The following MPG variants were observed in gnomAD, a reference collection of about 807,000 sequenced individuals.
The protein encoded by MPG is DNA-3-methyladenine glycosylase.
In MPG, 33 loss-of-function variants were observed where a neutral mutation model predicts 31.7. That is an observed-to-expected ratio of 1.04 (90% CI 0.79 to 1.39). The LOEUF (loss-of-function observed/expected upper bound fraction) is 1.39. MPG is among the 40% of genes most tolerant of loss of function. MPG has a pLI of 0.00. For missense variants in MPG, 455 were observed against 415.5 expected (o/e 1.10, Z -0.83); for synonymous variants, 202 against 169.2 (o/e 1.19, Z -1.51).
chr16:77,890 G>T (rs1342722246), upstream of MPG, among the ~76,000 whole-genome samples: 1 of 152,118 alleles, frequency 6.6e-6, no homozygotes, highest in South Asian at 2.1e-4. Flanking sequence ...TCAGGTTCAC[G>T]ACGGGCCCGT....
chr16:78,932 C>T (rs1206141570), intron 1 of MPG, among the ~76,000 whole-genome samples: 2 of 152,218 alleles, frequency 1.3e-5, no homozygotes, highest in African/African-American at 4.8e-5. Flanking sequence ...ACCCTGAGCA[C>T]GCGGTGGTCA....
At position 79,673 on chromosome 16, in the gene MPG, C is replaced by T. The variant is rs1404662120; in HGVS notation, c.273C>T (p.Val91=). 9 of 1,564,756 alleles carry T rather than the reference C, an allele frequency of 5.8e-6. No individual in the cohort carries two copies. The highest frequency in any genetic ancestry group is 7.8e-6 in the Non-Finnish European group (9 of 1,153,550). The change falls in exon 2 of 4, where the codon GTC becomes GTT. Residue 91 remains valine, a synonymous_variant. Transcript: ENST00000356432. ...LGLEFFDQPA[V]PLARAFLGQV... is the part of the protein sequence containing the mutation. ...TGGAGTTCTTCGACCAGCCGGCAGTCCCCCTGGCCCGGGCATTTCTGGGAC... is the reference window on the plus strand; with the variant it reads ...TGGAGTTCTTCGACCAGCCGGCAGTTCCCCTGGCCCGGGCATTTCTGGGAC...
At chr16:77,439 G>A (rs1347892168), upstream of MPG, among the ~76,000 whole-genome samples, 1 of 152,206 alleles carries the variant, frequency 6.6e-6, no homozygotes, top group Non-Finnish European at 1.5e-5. Flanking sequence ...GAGGTTGTGA[G>A]AGCTTACAGG....
At chr16:82,136 C>T (rs1379997852) in intron 2 of MPG, among the ~76,000 whole-genome samples, 1 of 91,608 alleles carries the variant, frequency 1.1e-5, no homozygotes, top group East Asian at 2.9e-4. Context: ...CCTGAATGCT[C>T]CCCACGCTGG....
chr16:77,864 C>T (rs1683983700), upstream of MPG, among the ~76,000 whole-genome samples: 1 of 152,052 alleles, frequency 6.6e-6, no homozygotes, highest in South Asian at 2.1e-4. Flanking sequence ...TCCGCCCGGG[C>T]CCCTCGAGGA....
At chr16:78,078 A>C, upstream of MPG, 11 of 304,254 alleles carry the variant, frequency 3.6e-5, no homozygotes, top group East Asian at 5.2e-5. Context: ...CGGGCCCGGG[A>C]ATCGGTCCGG....
rs1174700465 is a variant in MPG, at chr16:83,145, T to A, written c.394T>A (p.Ser132Thr). 1 of 1,612,934 alleles carries A rather than the reference T, an allele frequency of 6.2e-7. No homozygotes were observed. The highest frequency in any genetic ancestry group is 1.3e-5 in the African/African-American group (1 of 74,876). ...YLGPEDEAAH[S>T]RGGRQTPRNR... ...GGGGCCAGAGGATGAAGCCGCCCAC[T>A]CAAGGGGTGGCCGGCAGACCCCCCG... The change falls in exon 3 of 4, where the codon TCA becomes ACA. Residue 132 changes from serine to threonine, a missense_variant. By Grantham distance (58) the Ser-to-Thr change is moderately conservative. Coordinates refer to ENST00000356432, the MANE Select transcript of MPG (RefSeq NM_001015052.3).
intron 2 of MPG, among the ~76,000 whole-genome samples, chr16:81,106 C>T (rs995346047): frequency 6.6e-6 from 1 of 152,150 alleles, no homozygotes; most frequent in African/African-American, 2.4e-5. Flanking sequence ...AGGCTTGGGT[C>T]ATGCACTCAT....
At position 83,139 on chromosome 16, in the gene MPG, G is replaced by A. The variant is rs200449939; in HGVS notation, c.388G>A (p.Ala130Thr). The change falls in exon 3 of 4, where the codon GCC becomes ACC. Residue 130 changes from alanine (A) to threonine (T), a missense_variant. Coordinates refer to ENST00000356432, the MANE Select transcript of MPG (RefSeq NM_001015052.3). Reference sequence around the variant, plus strand: ...ATACCTGGGGCCAGAGGATGAAGCCGCCCACTCAAGGGGTGGCCGGCAGAC... The same window carrying A: ...ATACCTGGGGCCAGAGGATGAAGCCACCCACTCAAGGGGTGGCCGGCAGAC... ...EAYLGPEDEA[A>T]HSRGGRQTPR... 1.7e-4 allele frequency: 282 copies of A among 1,613,142 alleles called. 1 individual carries two copies. Among genetic ancestry groups the A allele is most frequent in the Middle Eastern group, 1.2e-3 (7 of 6,060 alleles).
chr16:82,314 T>C (rs1448707152), intron 2 of MPG, among the ~76,000 whole-genome samples: 2 of 152,218 alleles, frequency 1.3e-5, no homozygotes, highest in Non-Finnish European at 2.9e-5. Flanking sequence ...CCATGGCCTT[T>C]GGCACCACAG....
Position 85,671 on chromosome 16 carries a change from T to G in MPG, c.776T>G (p.Val259Gly). ...GTAGTGGCAGCAGCCCGGGTGGGCG[T>G]CGGCCATGCAGGGGAGTGGGCCCGG... Reference protein sequence around the residue: ...PAVVAAARVGVGHAGEWARKP... With the variant: ...PAVVAAARVGGGHAGEWARKP... Residue 259 changes from valine (V) to glycine (G), a missense_variant, in exon 4 of 4, where the codon GTC (valine) becomes GGC (glycine). By Grantham distance (109) the Val-to-Gly change is moderately radical. Transcript: ENST00000356432. 1.3e-6 allele frequency: 2 copies of G among 1,578,634 alleles called. No homozygotes were observed. Among genetic ancestry groups the G allele is most frequent in the Non-Finnish European group, 1.7e-6 (2 of 1,158,594 alleles).
chr16:85,476 C>T lies in MPG; in HGVS notation c.581C>T (p.Thr194Ile). ...GLETMRQLRS[T>I]LRKGTASRVL... The stretch of plus-strand genomic sequence containing the variant: ...GAGACCATGCGTCAGCTTCGCAGCA[C>T]CCTCCGGAAAGGCACCGCCAGCCGT... Residue 194 changes from threonine (T) to isoleucine (I), a missense_variant, in exon 4 of 4, where the codon ACC becomes ATC. Thr to Ile is a moderately conservative substitution (Grantham distance 89). Transcript: ENST00000356432. 1 of 1,613,170 alleles carries T rather than the reference C, an allele frequency of 6.2e-7. No individual in the cohort carries two copies. The highest frequency in any genetic ancestry group is 8.5e-7 in the Non-Finnish European group (1 of 1,180,028).
chr16:85,583 G>A lies in MPG; in HGVS notation c.688G>A (p.Asp230Asn), dbSNP rs866593837. 36 of 1,612,954 alleles carry A rather than the reference G, an allele frequency of 2.2e-5. No individual in the cohort carries two copies. The Admixed American group carries it at 4.5e-4, about 20-fold the overall frequency. Residue 230 changes from aspartate to asparagine, a missense_variant, in exon 4 of 4, where the codon GAC becomes AAC. Coordinates refer to ENST00000356432, the MANE Select transcript of MPG (RefSeq NM_001015052.3). ...CATCAACAAGAGCTTTGACCAGAGG[G>A]ACCTGGCACAGGATGAAGCTGTATG... is the stretch of plus-strand genomic sequence containing the variant. ...LAINKSFDQR[D>N]LAQDEAVWLE... is the part of the protein sequence containing the mutation.
chr16:82,385 C>G (rs1012660708), intron 2 of MPG, among the ~76,000 whole-genome samples: 1 of 152,162 alleles, frequency 6.6e-6, no homozygotes. Context: ...GGCCTAAAAA[C>G]GAGAGGTGCA....
At chr16:78,753 G>C (rs1369650949) in intron 1 of MPG, among the ~76,000 whole-genome samples, 1 of 152,210 alleles carries the variant, frequency 6.6e-6, no homozygotes, top group Non-Finnish European at 1.5e-5. Flanking sequence ...CTTTGCCCCA[G>C]GACAGCCGAG....
chr16:85,333 G>C (rs975956467), intron 3 of MPG, 68 bp from the exon 4 acceptor site: 6 of 1,500,274 alleles, frequency 4.0e-6, no homozygotes, highest in Non-Finnish European at 5.3e-6. Flanking sequence ...CAGGATGTCT[G>C]GATGTGTACT....
rs778236409 is a variant in MPG, at chr16:83,264, G to C, written c.505+8G>C. The C allele has an allele frequency of 6.2e-7, 1 of 1,605,838 alleles. No individual in the cohort carries two copies. The highest frequency in any genetic ancestry group is 8.5e-7 in the Non-Finnish European group (1 of 1,174,614). On this transcript the variant is annotated splice_region_variant and intron_variant, in intron 3 of 3. Transcript: ENST00000356432. ...TGAACATCTCCAGCCAGGGTGAGCA[G>C]TGCTGGGGCACGGGGGGTTGGAGGG...
chr16:77,578 G>C (rs3176364), upstream of MPG, among the ~76,000 whole-genome samples: 108,462 of 152,162 alleles, frequency 0.71, 41,545 homozygotes, highest in Non-Finnish European at 0.86. Context: ...CCAGAACGTG[G>C]GCGAGCTCCC....
Position 85,536 on chromosome 16 carries a change from C to T in MPG, c.641C>T (p.Ser214Phe), listed in dbSNP as rs577355454. The T allele has an allele frequency of 8.1e-6, 13 of 1,613,402 alleles. No homozygotes were observed. The South Asian group carries it at 1.3e-4, about 16-fold the overall frequency. ...LKDRELCSGP[S>F]KLCQALAINK... ...GACCGCGAGCTCTGCAGTGGCCCCT[C>T]CAAGCTGTGCCAGGCCCTGGCCATC... Residue 214 changes from serine to phenylalanine, a missense_variant, in exon 4 of 4, where the codon TCC becomes TTC. Coordinates refer to ENST00000356432, the MANE Select transcript of MPG (RefSeq NM_001015052.3).
Sources: gnomAD v4.1 joint callset for allele counts (sites outside exome capture counted in the v4.1 genomes callset) on GRCh38, gnomAD v4.1.1 for gene constraint, MANE v1.5 for transcripts, NCBI Gene and HGNC (gene_info 2026-07-23, HGNC 2026-07-21) for gene names.